The following PDZD2 variants were observed in gnomAD, a reference collection of about 807,000 sequenced individuals.
PDZD2 encodes PDZ domain-containing protein 2.
Under a neutral mutation model 220.7 loss-of-function variants are expected in PDZD2, and 90 were observed. The observed-to-expected ratio is 0.41, with a 90% CI of 0.34 to 0.49. PDZD2 has a LOEUF of 0.49. PDZD2 is among the 20% of genes least tolerant of loss of function. The pLI is 0.28. For missense variants in PDZD2, 3,174 were observed against 3,608.5 expected (o/e 0.88, Z 3.08); for synonymous variants, 1,375 against 1,450.5 (o/e 0.95, Z 1.18).
At chr5:32,094,017 A>G (rs1206454209) in intron 21 of PDZD2, among the ~76,000 whole-genome samples, 1 of 151,120 alleles carries the variant, frequency 6.6e-6, no homozygotes, top group East Asian at 1.9e-4. Flanking sequence ...TGTATTTACT[A>G]TTCATTAAGT....
intron 1 of PDZD2, among the ~76,000 whole-genome samples, chr5:31,782,488 T>C (rs1753113255): frequency 1.3e-5 from 2 of 152,098 alleles, no homozygotes; most frequent in South Asian, 2.1e-4. Context: ...GTCTCAGTCA[T>C]GCAGGAGTTG....
At chr5:31,964,693 A>G (rs906913510) in intron 2 of PDZD2, among the ~76,000 whole-genome samples, 11 of 152,084 alleles carry the variant, frequency 7.2e-5, no homozygotes, top group Non-Finnish European at 8.8e-5. Context: ...GTTGGTACAA[A>G]ACTAATTGCG....
chr5:31,903,460 A>C (rs1260355414), intron 2 of PDZD2, among the ~76,000 whole-genome samples: 1 of 151,902 alleles, frequency 6.6e-6, no homozygotes, highest in Non-Finnish European at 1.5e-5. Context: ...CGACCTGGGC[A>C]ACATAGTGAG....
In PDZD2 at chr5:31,881,376, T is replaced by TATA. The variant is rs58820360; in HGVS notation, c.476+81652_476+81653insATA. On this transcript the variant is annotated intron_variant, in intron 2 of 24. Transcript: ENST00000438447. ...TGTGTGTGTGTGTGTGTGTATATAT[T>TATA]TTTTTTTTTTTTGAGATGGAGTTTT... is the stretch of plus-strand genomic sequence containing the variant. Among the ~76,000 whole-genome samples, 740 of 125,414 alleles carry TATA rather than the reference T, an allele frequency of 5.9e-3. 8 individuals are homozygous for TATA. The highest frequency in any genetic ancestry group is 0.021 in the African/African-American group (710 of 34,324). 82.3% of individuals were successfully genotyped at this position (125,414 alleles called of 152,430 possible).
At chr5:32,042,016 C>A (rs543752512) in intron 7 of PDZD2, among the ~76,000 whole-genome samples, 1 of 37,952 alleles carries the variant, frequency 2.6e-5, no homozygotes, top group African/African-American at 5.9e-5. Flanking sequence ...GAGATCGAGA[C>A]CATCCTGGCT....
intron 1 of PDZD2, among the ~76,000 whole-genome samples, chr5:31,783,968 C>T (rs1753217272): frequency 6.6e-6 from 1 of 152,144 alleles, no homozygotes; most frequent in African/African-American, 2.4e-5. Context: ...GTCTCCGGTC[C>T]CCTCTCAATC....
intron 6 of PDZD2, among the ~76,000 whole-genome samples, chr5:32,022,861 A>T (rs1754332503): frequency 6.6e-6 from 1 of 152,176 alleles, no homozygotes; most frequent in Non-Finnish European, 1.5e-5. Context: ...CAGTTGAGTG[A>T]CAGGGTCAGA....
chr5:32,093,482 G>T (rs1185643247), intron 21 of PDZD2, among the ~76,000 whole-genome samples: 3 of 152,136 alleles, frequency 2.0e-5, no homozygotes, highest in Non-Finnish European at 4.4e-5. Flanking sequence ...CAACATGAGG[G>T]TTGGGGCACT....
chr5:32,044,612 C>T (rs1306676335), intron 7 of PDZD2, among the ~76,000 whole-genome samples: 1 of 152,150 alleles, frequency 6.6e-6, no homozygotes, highest in East Asian at 1.9e-4. Flanking sequence ...GCTTTTCCTC[C>T]CCAGCCACTT....
Position 31,752,068 on chromosome 5 carries a change from G to GTTT in PDZD2, c.-360-46821_-360-46820insTTT, listed in dbSNP as rs1251840861. ...TTTGTTTGTTTGTTTTATTGTTTTG[G>GTTT]GTTTGTTTTTTTTTTTTTTTTTCTG... On this transcript the variant is annotated intron_variant, in intron 1 of 24. Coordinates refer to ENST00000438447, the MANE Select transcript of PDZD2 (RefSeq NM_178140.4). 2.8e-3 allele frequency among the ~76,000 whole-genome samples: 264 copies of GTTT among 95,922 alleles called. 50 individuals carry two copies. The highest frequency in any genetic ancestry group is 0.011 in the African/African-American group (244 of 22,048). 62.9% of individuals were successfully genotyped at this position (95,922 alleles called of 152,430 possible).
chr5:31,681,891 T>G (rs1002351467), intron 1 of PDZD2, among the ~76,000 whole-genome samples: 6 of 152,116 alleles, frequency 3.9e-5, no homozygotes, highest in Admixed American at 3.3e-4. Flanking sequence ...GAATAATACG[T>G]TTAAAAGAAG....
At chr5:31,737,341 TTG>T (rs1234995390) in intron 1 of PDZD2, among the ~76,000 whole-genome samples, 4 of 150,184 alleles carry the variant, frequency 2.7e-5, no homozygotes, top group East Asian at 3.9e-4. Context: ...CCCAGCTAAT[TTG>T]TTGTATTTTT....
chr5:31,668,915 C>G (rs1204285582), intron 1 of PDZD2, among the ~76,000 whole-genome samples: 1 of 152,104 alleles, frequency 6.6e-6, no homozygotes, highest in African/African-American at 2.4e-5. Flanking sequence ...GTAGCATTGA[C>G]CTCCACTCCC....
chr5:31,770,495 G>A (rs1323181537), intron 1 of PDZD2, among the ~76,000 whole-genome samples: 1 of 152,202 alleles, frequency 6.6e-6, no homozygotes, highest in Non-Finnish European at 1.5e-5. Context: ...TCACCCCTGA[G>A]TCACCCCCAG....
chr5:31,782,996 G>A (rs577717340), intron 1 of PDZD2, among the ~76,000 whole-genome samples: 3 of 152,230 alleles, frequency 2.0e-5, no homozygotes, highest in Admixed American at 2.0e-4. Context: ...TTACAGGCGT[G>A]AGCCACCGTG....
chr5:31,710,196 G>A (rs1424778749), intron 1 of PDZD2, among the ~76,000 whole-genome samples: 1 of 152,142 alleles, frequency 6.6e-6, no homozygotes, highest in Middle Eastern at 3.2e-3. Flanking sequence ...CATGTAAAGA[G>A]CATGAACTAC....
At chr5:31,877,579 C>T (rs1394365654) in intron 2 of PDZD2, among the ~76,000 whole-genome samples, 1 of 152,124 alleles carries the variant, frequency 6.6e-6, no homozygotes, top group Non-Finnish European at 1.5e-5. Context: ...TGTTCATTGT[C>T]ATATCACTTC....
chr5:31,816,300 AAAG>A (rs919488904), intron 2 of PDZD2, among the ~76,000 whole-genome samples: 1 of 151,036 alleles, frequency 6.6e-6, no homozygotes, highest in African/African-American at 2.4e-5. Flanking sequence ...AAAAAAAAAA[AAAG>A]ATGACTGGGA....
chr5:31,993,659 T>A (rs1260179893), intron 3 of PDZD2, among the ~76,000 whole-genome samples: 1 of 152,232 alleles, frequency 6.6e-6, no homozygotes, highest in Non-Finnish European at 1.5e-5. Context: ...TGATGGATGT[T>A]AAAAGCAGAT....
Sources: allele counts gnomAD v4.1 joint callset (sites outside exome capture counted in the v4.1 genomes callset), GRCh38; gene constraint gnomAD v4.1.1; transcripts MANE v1.5; gene names NCBI Gene and HGNC (gene_info 2026-07-23, HGNC 2026-07-21).